Variants in ATRX observed in about 807,000 individuals in gnomAD.
ATRX encodes the protein chromatin remodeler ATRX.
ATRX carries 12 observed loss-of-function variants against 172.6 expected under a neutral mutation model. The observed-to-expected ratio is 0.07, with a 90% confidence interval of 0.04 to 0.11. The LOEUF is 0.11. ATRX is among the 10% of genes least tolerant of loss of function. The pLI is 1.00. For synonymous variants in ATRX, 674 were observed against 594.7 expected, an observed-to-expected ratio of 1.13 and a Z score of -1.94; for missense variants, 1,368 against 1,767.4, an observed-to-expected ratio of 0.77 and a Z score of 4.05.
intron 10 of ATRX, among the ~76,000 whole-genome samples, chrX:77,667,831 G>A (rs1557127225): frequency 9.0e-6 from 1 of 111,574 alleles, no homozygotes; most frequent in Non-Finnish European, 1.9e-5. Context: ...ATAACATATA[G>A]AACAATCATA....
At position 77,549,182 on chromosome X, in the gene ATRX, C is replaced by T. The variant is rs781977775; in HGVS notation, c.6699+8269G>A. On this transcript the variant is annotated intron_variant, in intron 30 of 34. Transcript: ENST00000373344. ...GGTCGATCACTTGAGGCCAGGAGTT[C>T]GAGACCAGCCTGGCCAACATGGAGA... 8.1e-5 allele frequency among the ~76,000 whole-genome samples: 9 copies of T among 111,120 alleles called. No homozygotes were observed. The South Asian group carries it at 3.5e-3, about 43-fold the overall frequency.
At position 77,636,093 on chromosome X, in the gene ATRX, G is replaced by T. The variant is rs184728587; in HGVS notation, c.4558-37C>A. On this transcript the variant is annotated intron_variant, in intron 15 of 34. Coordinates refer to ENST00000373344, the MANE Select transcript of ATRX (RefSeq NM_000489.6). ...GGAGTTGTTGATAGTTAAGCTCAAA[G>T]AAATCATTCAAGCAATGGTCAGTCT... 7 of 1,195,611 alleles carry T rather than the reference G, an allele frequency of 5.9e-6. No homozygotes were observed. The East Asian group carries it at 2.1e-4, about 35-fold the overall frequency.
At chrX:77,636,510 C>G (rs537247380) in intron 15 of ATRX, among the ~76,000 whole-genome samples, 1 of 111,017 alleles carries the variant, frequency 9.0e-6, no homozygotes, top group East Asian at 2.8e-4. Flanking sequence ...CCTGCAAAAC[C>G]GTGAGTCAAT....
At chrX:77,543,774 CAAG>C (rs2064115896) in intron 30 of ATRX, among the ~76,000 whole-genome samples, 1 of 106,615 alleles carries the variant, frequency 9.4e-6, no homozygotes, top group African/African-American at 3.4e-5. Flanking sequence ...CACATGGACA[CAAG>C]GAGGGGAATA....
chrX:77,733,067 T>A (rs369240655), intron 1 of ATRX, among the ~76,000 whole-genome samples: 1 of 112,126 alleles, frequency 8.9e-6, no homozygotes, highest in Non-Finnish European at 1.9e-5. Context: ...AAACTGTCAG[T>A]ATAAAAAATC....
intron 1 of ATRX, among the ~76,000 whole-genome samples, chrX:77,777,948 C>A (rs782733877): frequency 9.2e-6 from 1 of 108,737 alleles, no homozygotes; most frequent in Non-Finnish European, 1.9e-5. Context: ...CCAGCCTGGC[C>A]AATATGGTGA....
chrX:77,532,036 C>G (rs1557046571), intron 30 of ATRX, among the ~76,000 whole-genome samples: 1 of 111,154 alleles, frequency 9.0e-6, no homozygotes, highest in Non-Finnish European at 1.9e-5. Context: ...TTCACAATTG[C>G]TACAGAGAGA....
intron 12 of ATRX, among the ~76,000 whole-genome samples, chrX:77,657,619 G>A (rs2069621178): frequency 9.0e-6 from 1 of 111,190 alleles, no homozygotes; most frequent in Non-Finnish European, 1.9e-5. Context: ...TATAAATAAT[G>A]CAATAAATAA....
intron 15 of ATRX, among the ~76,000 whole-genome samples, chrX:77,642,791 G>A (rs1317461724): frequency 1.8e-5 from 2 of 111,640 alleles, no homozygotes; most frequent in African/African-American, 6.5e-5. Context: ...TCAGAGCTCT[G>A]GAACACAGTC....
rs142561199 is a variant in ATRX at position 77,684,425 on chromosome X, G to A, written c.831C>T (p.Val277=). Residue 277 remains valine, a synonymous_variant, in exon 9 of 35, where the codon GTC becomes GTT. Transcript: ENST00000373344. ...TCTCAAATACGCTGTTACATGCAGTGACCAAGTCCAACAAAGGCTCTGGGT... is the reference window on the plus strand; with the variant it reads ...TCTCAAATACGCTGTTACATGCAGTAACCAAGTCCAACAAAGGCTCTGGGT... ...ICHPEPLLDL[V]TACNSVFENL... 117 of 1,210,086 alleles carry A rather than the reference G, an allele frequency of 9.7e-5. 1 individual carries two copies. In the Middle Eastern group the frequency reaches 1.4e-3, roughly 14 times the overall value.
intron 22 of ATRX, among the ~76,000 whole-genome samples, chrX:77,615,329 A>G (rs2067312509): frequency 9.0e-6 from 1 of 111,281 alleles, no homozygotes; most frequent in African/African-American, 3.3e-5. Flanking sequence ...AACTAATTCT[A>G]TAAAACCTGA....
intron 1 of ATRX, among the ~76,000 whole-genome samples, chrX:77,776,631 C>T (rs1395305550): frequency 8.9e-6 from 1 of 111,914 alleles, no homozygotes; most frequent in Non-Finnish European, 1.9e-5. Context: ...ATAATAAATG[C>T]TCAAATATAA....
chrX:77,703,974 T>C (rs1348651937), intron 2 of ATRX, among the ~76,000 whole-genome samples: 1 of 110,476 alleles, frequency 9.1e-6, no homozygotes, highest in African/African-American at 3.3e-5. Flanking sequence ...TTACTACAAG[T>C]GTTCAGCTAT....
chrX:77,747,865 A>G (rs1171000998), intron 1 of ATRX, among the ~76,000 whole-genome samples: 1 of 112,203 alleles, frequency 8.9e-6, no homozygotes. Context: ...CCTCCATTTT[A>G]AGAAACAAAG....
At chrX:77,606,282 C>T (rs782705165) in intron 22 of ATRX, among the ~76,000 whole-genome samples, 31 of 110,335 alleles carry the variant, frequency 2.8e-4, no homozygotes, top group African/African-American at 8.9e-4. Context: ...TGTAAAGCCC[C>T]AACCCCATCC....
In ATRX at chrX:77,786,189, G is replaced by T; in HGVS notation, c.-188C>A. ...GGAGCCGCGGAAACAAAGCGACACC[G>T]CTGCCGCCGCCATTTTGTTGGGCCG... On this transcript the variant is annotated 5_prime_UTR_variant, in exon 1 of 35. Coordinates refer to ENST00000373344, the MANE Select transcript of ATRX (RefSeq NM_000489.6). 2.2e-6 allele frequency: 1 copy of T among 457,912 alleles called. No homozygotes were observed. The allele number at this position is 457,912 out of a possible 1,213,427, so 37.7% of individuals were successfully genotyped here.
intron 1 of ATRX, among the ~76,000 whole-genome samples, chrX:77,756,871 T>C (rs2075520122): frequency 9.1e-6 from 1 of 109,780 alleles, no homozygotes; most frequent in Admixed American, 9.8e-5. Context: ...CTGCAACCAC[T>C]GCCTCCTGGG....
chrX:77,780,645 A>T (rs2076537883), intron 1 of ATRX, among the ~76,000 whole-genome samples: 1 of 108,817 alleles, frequency 9.2e-6, no homozygotes, highest in Admixed American at 9.7e-5. Context: ...AGAATTTTTT[A>T]AAAACTAACT....
intron 30 of ATRX, among the ~76,000 whole-genome samples, chrX:77,533,742 A>G (rs1803086444): frequency 9.0e-6 from 1 of 111,626 alleles, no homozygotes; most frequent in South Asian, 3.8e-4. Flanking sequence ...ATTTACCTGC[A>G]TAACAAAGCT....
Sources: gnomAD v4.1 joint callset for allele counts (sites outside exome capture counted in the v4.1 genomes callset) on GRCh38, gnomAD v4.1.1 for gene constraint, MANE v1.5 for transcripts, NCBI Gene and HGNC (gene_info 2026-07-23, HGNC 2026-07-21) for gene names.